Variants in GRB14 observed in about 807,000 individuals in gnomAD.
The protein encoded by GRB14 is growth factor receptor-bound protein 14.
Under a neutral mutation model 69.1 loss-of-function variants are expected in GRB14, and 38 were observed. That is an observed-to-expected ratio of 0.55 (90% CI 0.42 to 0.72). The LOEUF is 0.72. Ranked by LOEUF, GRB14 falls within the 30% of genes least tolerant of loss-of-function variation. The probability of loss-of-function intolerance (pLI) is 0.00; values close to 1 mark genes in which losing one functional copy is unlikely to be tolerated. For synonymous variants in GRB14, 247 were observed against 241.3 expected, an observed-to-expected ratio of 1.02 and a Z score of -0.22; for missense variants, 666 against 666.1, an observed-to-expected ratio of 1.00 and a Z score of 0.00.
In GRB14 at chr2:164,589,786, C is replaced by G. The variant is rs562895069; in HGVS notation, c.324+29901G>C. 7.2e-5 allele frequency among the ~76,000 whole-genome samples: 11 copies of G among 152,290 alleles called. No homozygotes were observed. In the South Asian group the frequency reaches 2.3e-3, roughly 32 times the overall value. On this transcript the variant is annotated intron_variant, in intron 2 of 13. Coordinates refer to ENST00000263915, the MANE Select transcript of GRB14 (RefSeq NM_004490.3). Reference sequence around the variant, plus strand: ...TTATTCCAAGAATAACCTTGTCTTACTTCACTTGGACCACTATAACAAAGC... The same window carrying G: ...TTATTCCAAGAATAACCTTGTCTTAGTTCACTTGGACCACTATAACAAAGC...
chr2:164,610,897 A>T (rs371801310), intron 2 of GRB14, among the ~76,000 whole-genome samples: 3 of 135,148 alleles, frequency 2.2e-5, no homozygotes, highest in Admixed American at 8.5e-5. Context: ...AAAACAGGCT[A>T]CATTTAGGCT....
chr2:164,606,196 G>A (rs527736512), intron 2 of GRB14, among the ~76,000 whole-genome samples: 1 of 152,108 alleles, frequency 6.6e-6, no homozygotes, highest in South Asian at 2.1e-4. Context: ...CATCCCATAT[G>A]CATATATGCA....
chr2:164,594,755 T>C (rs948894149), intron 2 of GRB14, among the ~76,000 whole-genome samples: 11 of 152,184 alleles, frequency 7.2e-5, no homozygotes, highest in South Asian at 2.1e-4. Flanking sequence ...ACCATAAGTA[T>C]CGTGTACACA....
intron 3 of GRB14, among the ~76,000 whole-genome samples, chr2:164,527,547 G>T (rs1477326923): frequency 6.6e-6 from 1 of 151,674 alleles, no homozygotes; most frequent in Non-Finnish European, 1.5e-5. Context: ...TTCAAGGTTG[G>T]ACAATTCACC....
intron 2 of GRB14, among the ~76,000 whole-genome samples, chr2:164,553,162 A>C (rs1403932675): frequency 6.6e-6 from 1 of 152,222 alleles, no homozygotes; most frequent in Non-Finnish European, 1.5e-5. Flanking sequence ...AAGCTAAGAA[A>C]ATGAAAAACT....
chr2:164,503,383 G>T (rs1214464932), intron 8 of GRB14, among the ~76,000 whole-genome samples: 2 of 112,960 alleles, frequency 1.8e-5, no homozygotes, highest in Non-Finnish European at 3.4e-5. Context: ...TTCTACTAAA[G>T]AAAAATAGTC....
intron 2 of GRB14, among the ~76,000 whole-genome samples, chr2:164,583,273 A>C (rs554272993): frequency 1.0e-3 from 158 of 152,390 alleles, no homozygotes; most frequent in African/African-American, 3.6e-3. Flanking sequence ...TAAAATAAAC[A>C]TTAAAGAGAA....
intron 3 of GRB14, 47 bp downstream of exon 3, chr2:164,547,613 A>G: frequency 1.3e-6 from 2 of 1,492,302 alleles, no homozygotes; most frequent in Non-Finnish European, 1.8e-6. Flanking sequence ...GGAGCTGAAC[A>G]AGAAATAGAA....
chr2:164,551,762 C>T (rs1422103472), intron 2 of GRB14, among the ~76,000 whole-genome samples: 1 of 152,166 alleles, frequency 6.6e-6, no homozygotes, highest in Non-Finnish European at 1.5e-5. Context: ...TCATAATGCG[C>T]CTCTTTTATG....
At chr2:164,610,764 T>C (rs942593625) in intron 2 of GRB14, among the ~76,000 whole-genome samples, 7 of 148,960 alleles carry the variant, frequency 4.7e-5, no homozygotes, top group Non-Finnish European at 8.9e-5. Context: ...ATAATTCACA[T>C]AGAGGGAAAA....
intron 2 of GRB14, among the ~76,000 whole-genome samples, chr2:164,572,799 G>A (rs2105331664): frequency 6.6e-6 from 1 of 152,112 alleles, no homozygotes; most frequent in East Asian, 1.9e-4. Context: ...AAAGCCCCCA[G>A]TGGCTTTATA....
chr2:164,537,914 C>A (rs576784482), intron 3 of GRB14, among the ~76,000 whole-genome samples: 2 of 152,110 alleles, frequency 1.3e-5, no homozygotes, highest in East Asian at 1.9e-4. Flanking sequence ...GTGGTCACAA[C>A]TCTGATGGCT....
In GRB14 at chr2:164,547,794, T is replaced by A; in HGVS notation, c.347A>T (p.Asp116Val). 6.2e-7 allele frequency: 1 copy of A among 1,613,322 alleles called. No individual in the cohort carries two copies. Among genetic ancestry groups the A allele is most frequent in the East Asian group, 2.2e-5 (1 of 44,858 alleles). The change falls in exon 3 of 14, where the codon GAT (aspartate) becomes GTT (valine). Residue 116 changes from aspartate to valine, a missense_variant. Transcript: ENST00000263915. ...TACATCTAAAGCCCTGCTGGTTTCATCTTCACTGTATACTTTAATCACCTG... is the reference window on the plus strand; with the variant it reads ...TACATCTAAAGCCCTGCTGGTTTCAACTTCACTGTATACTTTAATCACCTG... ...KKQVIKVYSEDETSRALDVPS... is the reference protein window; with the variant it reads ...KKQVIKVYSEVETSRALDVPS...
At chr2:164,497,918 C>A (rs1197394301) in intron 9 of GRB14, among the ~76,000 whole-genome samples, 1 of 152,120 alleles carries the variant, frequency 6.6e-6, no homozygotes, top group African/African-American at 2.4e-5. Flanking sequence ...ATCCGTCAGT[C>A]ATCAATTAAA....
intron 2 of GRB14, among the ~76,000 whole-genome samples, chr2:164,584,573 G>T (rs1206960149): frequency 6.6e-6 from 1 of 151,384 alleles, no homozygotes; most frequent in Non-Finnish European, 1.5e-5. Flanking sequence ...CTAAGAATAA[G>T]TCCCTACGAT....
intron 2 of GRB14, among the ~76,000 whole-genome samples, chr2:164,598,525 T>C (rs12613292): frequency 0.44 from 67,338 of 152,094 alleles, 18,206 homozygotes; most frequent in Admixed American, 0.58. Context: ...TATAATCGTT[T>C]ACATAGGACA....
intron 2 of GRB14, among the ~76,000 whole-genome samples, chr2:164,592,247 G>A (rs536747589): frequency 5.9e-5 from 9 of 151,990 alleles, no homozygotes; most frequent in South Asian, 2.1e-4. Context: ...CCATTCTCCC[G>A]CCTCAGCCTT....
chr2:164,567,101 T>C (rs1449857150), intron 2 of GRB14, among the ~76,000 whole-genome samples: 1 of 152,126 alleles, frequency 6.6e-6, no homozygotes, highest in East Asian at 1.9e-4. Context: ...GGAACCTATA[T>C]TGTCATTATT....
intron 9 of GRB14, among the ~76,000 whole-genome samples, chr2:164,497,882 A>T (rs1448893145): frequency 6.6e-6 from 1 of 152,172 alleles, no homozygotes; most frequent in African/African-American, 2.4e-5. Flanking sequence ...ATTGTTTCTG[A>T]ATTGATGTCT....
Sources: allele counts gnomAD v4.1 joint callset (sites outside exome capture counted in the v4.1 genomes callset), GRCh38; gene constraint gnomAD v4.1.1; transcripts MANE v1.5; gene names NCBI Gene and HGNC (gene_info 2026-07-23, HGNC 2026-07-21).